GAP43: variants seen among roughly 807,000 people sequenced by gnomAD.
GAP43 encodes the protein neuromodulin.
GAP43 carries 6 observed loss-of-function variants against 18.6 expected under a neutral mutation model. That is an observed-to-expected ratio of 0.32 (90% CI 0.18 to 0.64). The LOEUF (loss-of-function observed/expected upper bound fraction) is 0.64, where lower values mean the gene tolerates loss of function less well. Ranked by LOEUF, GAP43 falls within the 30% of genes least tolerant of loss-of-function variation. The probability of loss-of-function intolerance (pLI) is 0.78; values close to 1 mark genes in which losing one functional copy is unlikely to be tolerated. For synonymous variants in GAP43, 115 were observed against 111.4 expected (o/e 1.03, Z -0.20); for missense variants, 292 against 295.5 (o/e 0.99, Z 0.09).
intron 2 of GAP43, among the ~76,000 whole-genome samples, chr3:115,679,268 G>C (rs1234935084): frequency 6.6e-6 from 1 of 152,068 alleles, no homozygotes; most frequent in Non-Finnish European, 1.5e-5. Flanking sequence ...AAAAATTTTA[G>C]ATATGATTAT....
intron 2 of GAP43, among the ~76,000 whole-genome samples, chr3:115,708,012 C>G (rs1450473311): frequency 6.1e-5 from 2 of 32,780 alleles, no homozygotes; most frequent in Non-Finnish European, 8.8e-5. Flanking sequence ...CACACACACA[C>G]ACATATATAT....
Position 115,676,468 on chromosome 3 carries a change from G to T in GAP43, c.486G>T (p.Lys162Asn). ...CCAAGGCTGAAGATGCCCCAGCCAA[G>T]GAGGAGCCTAAACAAGCCGATGTGC... ...PSSKAEDAPA[K>N]EEPKQADVPA... is the part of the protein sequence containing the mutation. The change falls in exon 2 of 3, where the codon AAG becomes AAT. Residue 162 changes from lysine (K) to asparagine (N), a missense_variant. Transcript: ENST00000305124. 6.2e-7 allele frequency: 1 copy of T among 1,614,116 alleles called. No individual in the cohort carries two copies. The highest frequency in any genetic ancestry group is 8.5e-7 in the Non-Finnish European group (1 of 1,180,014).
At chr3:115,640,935 TTC>T (rs1708386667) in intron 1 of GAP43, among the ~76,000 whole-genome samples, 1 of 148,498 alleles carries the variant, frequency 6.7e-6, no homozygotes, top group Non-Finnish European at 1.5e-5. Flanking sequence ...CTTTTTTTCC[TTC>T]TCTTTCTTTC....
chr3:115,694,631 C>T (rs940078510), intron 2 of GAP43, among the ~76,000 whole-genome samples: 11 of 152,180 alleles, frequency 7.2e-5, no homozygotes, highest in Non-Finnish European at 4.4e-5. Context: ...GAAACAGAAG[C>T]AAGAGAACTT....
chr3:115,684,752 C>T (rs1316248261), intron 2 of GAP43, among the ~76,000 whole-genome samples: 1 of 152,034 alleles, frequency 6.6e-6, no homozygotes, highest in African/African-American at 2.4e-5. Flanking sequence ...AAGCTATCTA[C>T]GATGAAATTT....
intron 1 of GAP43, among the ~76,000 whole-genome samples, chr3:115,660,200 G>T (rs1708640383): frequency 6.6e-6 from 1 of 152,152 alleles, no homozygotes; most frequent in East Asian, 1.9e-4. Context: ...CAAGGGTATT[G>T]CCACATGGGA....
intron 1 of GAP43, among the ~76,000 whole-genome samples, chr3:115,640,754 G>A (rs968362517): frequency 6.6e-6 from 1 of 152,054 alleles, no homozygotes; most frequent in African/African-American, 2.4e-5. Flanking sequence ...GGGTCAAGAG[G>A]TCAGGTCTAT....
At chr3:115,655,202 G>A (rs143207091) in intron 1 of GAP43, among the ~76,000 whole-genome samples, 7 of 152,280 alleles carry the variant, frequency 4.6e-5, no homozygotes, top group East Asian at 1.9e-4. Flanking sequence ...TCAAATTTTC[G>A]ATCTGTGAAC....
intron 2 of GAP43, among the ~76,000 whole-genome samples, chr3:115,691,606 C>T (rs546373429): frequency 1.3e-5 from 2 of 152,256 alleles, no homozygotes; most frequent in Admixed American, 6.5e-5. Context: ...TTCTTTGGTA[C>T]TACACCTGAT....
intron 1 of GAP43, among the ~76,000 whole-genome samples, chr3:115,668,687 G>A (rs1000417102): frequency 2.6e-5 from 4 of 151,826 alleles, no homozygotes; most frequent in Non-Finnish European, 5.9e-5. Context: ...GCCTCACAAA[G>A]TGCTGAGATT....
rs1300593588 is a variant in GAP43, at chr3:115,637,294, A to AGAGT, written c.30+13575_30+13576insGAGT. The stretch of plus-strand genomic sequence containing the variant: ...AGATATCCAGTACAGTGCATGACTC[A>AGAGT]AGAAACACATATTGTATCTACTCTG... On this transcript the variant is annotated intron_variant, in intron 1 of 2. Transcript: ENST00000305124. Among the ~76,000 whole-genome samples the AGAGT allele has an allele frequency of 2.0e-5, 3 of 152,064 alleles. No homozygotes were observed. In the East Asian group the frequency reaches 5.8e-4, roughly 29 times the overall value.
At chr3:115,666,694 A>G (rs1708737826) in intron 1 of GAP43, among the ~76,000 whole-genome samples, 2 of 152,156 alleles carry the variant, frequency 1.3e-5, no homozygotes, top group South Asian at 4.1e-4. Context: ...GTCAGGATCT[A>G]CCAAGTAACT....
chr3:115,698,759 T>G (rs1484008163), intron 2 of GAP43, among the ~76,000 whole-genome samples: 1 of 152,136 alleles, frequency 6.6e-6, no homozygotes, highest in African/African-American at 2.4e-5. Context: ...CTTTAAAATC[T>G]ATGGACCAGA....
intron 2 of GAP43, among the ~76,000 whole-genome samples, chr3:115,685,807 AT>A (rs966413506): frequency 1.3e-5 from 2 of 152,070 alleles, no homozygotes; most frequent in Non-Finnish European, 2.9e-5. Context: ...GCGGTGGAAG[AT>A]TTTTTTTATT....
intron 1 of GAP43, among the ~76,000 whole-genome samples, chr3:115,634,290 A>G (rs1180448961): frequency 6.6e-6 from 1 of 152,136 alleles, no homozygotes. Flanking sequence ...GTGAGGATGC[A>G]TATCCTCTTC....
intron 1 of GAP43, among the ~76,000 whole-genome samples, chr3:115,664,575 G>A (rs1301559725): frequency 3.3e-5 from 5 of 152,134 alleles, no homozygotes; most frequent in African/African-American, 1.2e-4. Flanking sequence ...AATGAGCCAG[G>A]ATTCAAACTC....
intron 1 of GAP43, among the ~76,000 whole-genome samples, chr3:115,650,464 C>T (rs1353653032): frequency 5.3e-5 from 8 of 152,062 alleles, no homozygotes. Flanking sequence ...TTTCGGGTAG[C>T]CATCTGGGAT....
chr3:115,675,072 T>C (rs1040812697), intron 1 of GAP43, among the ~76,000 whole-genome samples: 29 of 152,312 alleles, frequency 1.9e-4, no homozygotes, highest in African/African-American at 6.3e-4. Context: ...CTTTTGTTTC[T>C]GGTTTGCTTG....
At chr3:115,710,361 T>G (rs773427379) in intron 2 of GAP43, among the ~76,000 whole-genome samples, 2 of 152,184 alleles carry the variant, frequency 1.3e-5, no homozygotes, top group Non-Finnish European at 2.9e-5. Flanking sequence ...AATCAAATTT[T>G]GTTTGGAGAT....
Sources: allele counts gnomAD v4.1 joint callset (sites outside exome capture counted in the v4.1 genomes callset), GRCh38; gene constraint gnomAD v4.1.1; transcripts MANE v1.5; gene names NCBI Gene and HGNC (gene_info 2026-07-23, HGNC 2026-07-21).